OSBPL9: variants seen among roughly 807,000 people sequenced by gnomAD.
OSBPL9 encodes the protein oxysterol-binding protein-related protein 9.
A neutral mutation model predicts 106.6 loss-of-function variants in OSBPL9; 40 were observed. That is an observed-to-expected ratio of 0.38 (90% CI 0.29 to 0.49). OSBPL9 has a LOEUF of 0.49. Among genes scored for constraint, OSBPL9 ranks in the 20% least tolerant of loss-of-function variants. OSBPL9 has a pLI of 0.97. For missense variants in OSBPL9, 609 were observed against 887.2 expected (o/e 0.69, Z 3.98); for synonymous variants, 269 against 295.4 (o/e 0.91, Z 0.92).
intron 2 of OSBPL9, among the ~76,000 whole-genome samples, chr1:51,659,623 T>G (rs1199669306): frequency 1.3e-5 from 2 of 151,108 alleles, no homozygotes. Flanking sequence ...AGTAATAAAA[T>G]AAACCCTGGT....
the OSBPL9 span, among the ~76,000 whole-genome samples, chr1:51,553,328 C>T: frequency 6.6e-6 from 1 of 151,708 alleles, no homozygotes; most frequent in Non-Finnish European, 1.5e-5. Flanking sequence ...CTGGACAACA[C>T]GGCAAGACCC....
At chr1:51,589,488 A>G (rs1354556232) in intron 1 of OSBPL9, among the ~76,000 whole-genome samples, 1 of 152,198 alleles carries the variant, frequency 6.6e-6, no homozygotes, top group African/African-American at 2.4e-5. Flanking sequence ...ATTAAGTTAC[A>G]TAGAGGGATA....
chr1:51,540,958 C>CAA, the OSBPL9 span, among the ~76,000 whole-genome samples: 2 of 115,932 alleles, frequency 1.7e-5, no homozygotes, highest in Non-Finnish European at 1.8e-5. Context: ...GACTCCATCT[C>CAA]AAAAAAAAAA....
the OSBPL9 span, among the ~76,000 whole-genome samples, chr1:51,525,286 T>G: frequency 1.3e-5 from 2 of 152,230 alleles, no homozygotes; most frequent in African/African-American, 4.8e-5. Context: ...CTAAGGGTTT[T>G]GGGGAAAGTT....
the OSBPL9 span, among the ~76,000 whole-genome samples, chr1:51,545,341 T>C: frequency 6.6e-6 from 1 of 152,070 alleles, no homozygotes; most frequent in South Asian, 2.1e-4. Context: ...ATGCACCTAA[T>C]CATACAGTCT....
At chr1:51,567,243 T>G in the OSBPL9 span, 4 of 152,226 alleles carry the variant, frequency 2.6e-5, no homozygotes, top group Non-Finnish European at 5.9e-5. Context: ...ATGCCCAGCA[T>G]ACTAGGTAGT....
At chr1:51,642,009 A>G (rs986665741) in intron 1 of OSBPL9, among the ~76,000 whole-genome samples, 4 of 152,206 alleles carry the variant, frequency 2.6e-5, no homozygotes, top group African/African-American at 9.7e-5. Context: ...GATGGTAGCT[A>G]GCGTAAAGGC....
At chr1:51,734,916 A>G (rs1013598172) in intron 4 of OSBPL9, among the ~76,000 whole-genome samples, 1 of 152,170 alleles carries the variant, frequency 6.6e-6, no homozygotes, top group African/African-American at 2.4e-5. Context: ...AAAAATATAC[A>G]TTCTTCTGTA....
the OSBPL9 span, among the ~76,000 whole-genome samples, chr1:51,552,173 C>T: frequency 1.3e-5 from 2 of 152,162 alleles, no homozygotes; most frequent in African/African-American, 4.8e-5. Flanking sequence ...ATCTGAGGTT[C>T]AGACTTCCTT....
intron 1 of OSBPL9, among the ~76,000 whole-genome samples, chr1:51,619,716 A>G (rs1346384774): frequency 3.3e-5 from 5 of 152,192 alleles, no homozygotes; most frequent in Non-Finnish European, 4.4e-5. Context: ...ATATTTACTT[A>G]AAAGGGAAGG....
intron 3 of OSBPL9, among the ~76,000 whole-genome samples, chr1:51,694,479 AT>A (rs1364086624): frequency 1.4e-4 from 22 of 152,260 alleles, no homozygotes; most frequent in Admixed American, 1.2e-3. Flanking sequence ...AACTGCGAAT[AT>A]TCTTTGATAC....
At chr1:51,775,892 C>T (rs1014434284) in intron 14 of OSBPL9, among the ~76,000 whole-genome samples, 187 of 152,102 alleles carry the variant, frequency 1.2e-3, no homozygotes, top group African/African-American at 4.3e-3. Context: ...ATTATAGGCA[C>T]AAGCCAGTAT....
intron 3 of OSBPL9, among the ~76,000 whole-genome samples, chr1:51,682,405 A>G (rs1027736312): frequency 6.6e-6 from 1 of 152,186 alleles, no homozygotes; most frequent in African/African-American, 2.4e-5. Context: ...TCACTGTAGC[A>G]TTATTCACAG....
At chr1:51,673,080 A>G (rs1296054924) in intron 3 of OSBPL9, among the ~76,000 whole-genome samples, 1 of 152,230 alleles carries the variant, frequency 6.6e-6, no homozygotes, top group Non-Finnish European at 1.5e-5. Flanking sequence ...ACATTTATTG[A>G]GAGGGCGCAA....
upstream of OSBPL9, chr1:51,616,951 C>A (rs1223970907): frequency 2.1e-6 from 3 of 1,399,282 alleles, no homozygotes; most frequent in Admixed American, 4.9e-5. Context: ...ACAATAGGCG[C>A]CCTAAGAAAG....
At chr1:51,747,947 G>A (rs1553181541) in intron 6 of OSBPL9, among the ~76,000 whole-genome samples, 3 of 151,924 alleles carry the variant, frequency 2.0e-5, no homozygotes, top group Non-Finnish European at 2.9e-5. Flanking sequence ...CTGCCACCAC[G>A]CCCAGCTAAT....
chr1:51,729,789 G>A lies in OSBPL9; in HGVS notation c.318+15710G>A. ...CAATCGGGGCGACCCCTCCGCCGGG[G>A]AGGGGACGGGAAAGGGGTGGGGGGT... On this transcript the variant is annotated intron_variant, in intron 4 of 23. Coordinates refer to ENST00000428468, the MANE Select transcript of OSBPL9 (RefSeq NM_024586.6). The surrounding 1 kb of genome is among the most constrained non-coding windows in gnomAD (Gnocchi z 5.1). The A allele has an allele frequency of 8.1e-7, 1 of 1,229,682 alleles. No individual in the cohort carries two copies. The highest frequency in any genetic ancestry group is 1.0e-6 in the Non-Finnish European group (1 of 978,492). 76.2% of individuals were successfully genotyped at this position (1,229,682 alleles called of 1,614,324 possible).
At chr1:51,576,024 G>GT (rs1645181778), upstream of OSBPL9, among the ~76,000 whole-genome samples, 1 of 152,128 alleles carries the variant, frequency 6.6e-6, no homozygotes, top group African/African-American at 2.4e-5. Context: ...CACCACATAA[G>GT]TAATTGACTC....
intron 3 of OSBPL9, among the ~76,000 whole-genome samples, chr1:51,700,390 T>G (rs1557706089): frequency 1.3e-5 from 2 of 152,202 alleles, no homozygotes; most frequent in Admixed American, 1.3e-4. Flanking sequence ...ACAGAGCTCA[T>G]TTGAATTTTC....
Sources: allele counts gnomAD v4.1 joint callset (sites outside exome capture counted in the v4.1 genomes callset), GRCh38; gene constraint gnomAD v4.1.1; non-coding constraint Gnocchi (gnomAD v3.1); transcripts MANE v1.5; gene names NCBI Gene and HGNC (gene_info 2026-07-23, HGNC 2026-07-21).